ADAMTS12: variants seen among roughly 807,000 people sequenced by gnomAD.
The protein encoded by ADAMTS12 is ADAM metallopeptidase with thrombospondin type 1 motif 12, also known as A disintegrin and metalloproteinase with thrombospondin motifs 12.
A neutral mutation model predicts 167.8 loss-of-function variants in ADAMTS12; 118 were observed. The observed-to-expected ratio is 0.70, with a 90% CI of 0.61 to 0.82. ADAMTS12 has a LOEUF of 0.82. Ranked by LOEUF, ADAMTS12 falls within the 40% of genes least tolerant of loss-of-function variation. The pLI is 0.00. For synonymous variants in ADAMTS12, 704 were observed against 716.9 expected (o/e 0.98, Z 0.29); for missense variants, 1,916 against 1,998.8 (o/e 0.96, Z 0.79).
In ADAMTS12 at chr5:33,792,696, T is replaced by C. The variant is rs1050210883; in HGVS notation, c.490-41148A>G. 5.3e-5 allele frequency among the ~76,000 whole-genome samples: 8 copies of C among 152,184 alleles called. No individual in the cohort carries two copies. In the South Asian group the frequency reaches 6.2e-4, roughly 12 times the overall value. ...ACACTTGGTTATCAGGCTGTTTCCA[T>C]AGGCACAGAACAAAAACAAGAAGAT... On this transcript the variant is annotated intron_variant, in intron 2 of 23. Coordinates refer to ENST00000504830, the MANE Select transcript of ADAMTS12 (RefSeq NM_030955.4).
At chr5:33,565,326 A>AT (rs1242111479) in intron 19 of ADAMTS12, among the ~76,000 whole-genome samples, 2 of 151,700 alleles carry the variant, frequency 1.3e-5, no homozygotes, top group Admixed American at 6.6e-5. Flanking sequence ...TAATTTTTAT[A>AT]TTTTTTTTGT....
intron 2 of ADAMTS12, among the ~76,000 whole-genome samples, chr5:33,823,527 A>T (rs1473234496): frequency 6.6e-6 from 1 of 152,166 alleles, no homozygotes; most frequent in East Asian, 1.9e-4. Context: ...TAGTGTCAGA[A>T]AAAAAGAGAG....
chr5:33,559,591 A>T (rs1351935046), intron 20 of ADAMTS12, among the ~76,000 whole-genome samples: 2 of 152,240 alleles, frequency 1.3e-5, no homozygotes, highest in Non-Finnish European at 2.9e-5. Context: ...CTTTAAAAAG[A>T]TCAGTATGGC....
chr5:33,720,685 T>C (rs1284336003), intron 3 of ADAMTS12, among the ~76,000 whole-genome samples: 1 of 152,222 alleles, frequency 6.6e-6, no homozygotes, highest in Admixed American at 6.5e-5. Context: ...GTCATCCTGG[T>C]CCTAGAATCA....
intron 2 of ADAMTS12, among the ~76,000 whole-genome samples, chr5:33,809,912 GAA>G (rs1279946562): frequency 7.0e-6 from 1 of 143,584 alleles, no homozygotes; most frequent in African/African-American, 2.6e-5. Flanking sequence ...GAGAGAGGGA[GAA>G]TCATACAGGG....
At chr5:33,731,908 A>G (rs1744208007) in intron 3 of ADAMTS12, among the ~76,000 whole-genome samples, 1 of 152,214 alleles carries the variant, frequency 6.6e-6, no homozygotes, top group African/African-American at 2.4e-5. Context: ...GGTCATCTTT[A>G]TTGTCAATAT....
chr5:33,783,167 A>G (rs1746201928), intron 2 of ADAMTS12, among the ~76,000 whole-genome samples: 1 of 152,056 alleles, frequency 6.6e-6, no homozygotes. Flanking sequence ...ATGAGTTAAG[A>G]AAGAAACCAA....
At chr5:33,563,933 A>G (rs924886875) in intron 19 of ADAMTS12, among the ~76,000 whole-genome samples, 2 of 152,250 alleles carry the variant, frequency 1.3e-5, no homozygotes, top group Non-Finnish European at 2.9e-5. Flanking sequence ...AGGTAGAGTG[A>G]GGACATACAG....
intron 2 of ADAMTS12, 199 bp downstream of exon 2, chr5:33,880,920 T>G (rs1750410034): frequency 1.4e-6 from 1 of 723,788 alleles, no homozygotes; most frequent in African/African-American, 1.8e-5. Context: ...CTCAGTGCCC[T>G]TACTCTTTGT....
rs191591143 is a variant in ADAMTS12, at chr5:33,574,768, C to G, written c.3972+1286G>C. ...TATAATAATAATAGAAAAAATGAGACTACCTATGAAAGTGGTTTGTAAATT... is the reference window on the plus strand; with the variant it reads ...TATAATAATAATAGAAAAAATGAGAGTACCTATGAAAGTGGTTTGTAAATT... On this transcript the variant is annotated intron_variant, in intron 19 of 23. Transcript: ENST00000504830. Among the ~76,000 whole-genome samples the G allele has an allele frequency of 9.2e-5, 14 of 151,898 alleles. No individual in the cohort carries two copies. In the East Asian group the frequency reaches 2.7e-3, roughly 29 times the overall value.
chr5:33,788,649 G>A (rs913656340), intron 2 of ADAMTS12, among the ~76,000 whole-genome samples: 2 of 152,176 alleles, frequency 1.3e-5, no homozygotes, highest in Non-Finnish European at 2.9e-5. Context: ...AAGCTATTTT[G>A]AATTTCTGCA....
At chr5:33,861,062 C>G (rs1749597462) in intron 2 of ADAMTS12, among the ~76,000 whole-genome samples, 1 of 152,166 alleles carries the variant, frequency 6.6e-6, no homozygotes, top group African/African-American at 2.4e-5. Flanking sequence ...AAACCGGTGT[C>G]AGCCACAGCA....
rs557859849 is a variant in ADAMTS12, at chr5:33,871,350, T to C, written c.489+9769A>G. ...AGGAAACACTACCCAATTCATTTTA[T>C]AAAGCTAATATTACCCTGATACCAA... On this transcript the variant is annotated intron_variant, in intron 2 of 23. Transcript: ENST00000504830. Among the ~76,000 whole-genome samples the C allele has an allele frequency of 1.5e-3, 224 of 152,284 alleles. 2 individuals carry two copies. The highest frequency in any genetic ancestry group is 5.2e-3 in the African/African-American group (215 of 41,576).
chr5:33,717,740 T>C (rs1466697606), intron 3 of ADAMTS12, among the ~76,000 whole-genome samples: 1 of 152,200 alleles, frequency 6.6e-6, no homozygotes, highest in Admixed American at 6.5e-5. Flanking sequence ...GAAGTTATTA[T>C]GAAATTAAAA....
At chr5:33,615,249 G>A (rs1263307002) in intron 15 of ADAMTS12, among the ~76,000 whole-genome samples, 2 of 152,152 alleles carry the variant, frequency 1.3e-5, no homozygotes, top group African/African-American at 4.8e-5. Flanking sequence ...TCTCTGGCTC[G>A]AAAAGGATGT....
chr5:33,891,465 C>G lies in ADAMTS12; in HGVS notation c.127+265G>C, dbSNP rs543203436. The G allele has an allele frequency of 1.8e-4, 78 of 433,250 alleles. 1 individual carries two copies. The South Asian group carries it at 4.1e-3, about 23-fold the overall frequency. 26.8% of individuals were successfully genotyped at this position (433,250 alleles called of 1,614,324 possible). On this transcript the variant is annotated intron_variant, in intron 1 of 23. Coordinates refer to ENST00000504830, the MANE Select transcript of ADAMTS12 (RefSeq NM_030955.4). ...AAAGAGAAAAAGTTACCAGCTACCT[C>G]TTGGGTCTTTCAAAGACTGCAGTGT...
At position 33,574,231 on chromosome 5, in the gene ADAMTS12, G is replaced by C. The variant is rs536835330; in HGVS notation, c.3972+1823C>G. On this transcript the variant is annotated intron_variant, in intron 19 of 23. Transcript: ENST00000504830. ...AGAACTAGAAATACCATTTGACCCAGCAATCCCATTACTGGGTATATACCC... is the reference window on the plus strand; with the variant it reads ...AGAACTAGAAATACCATTTGACCCACCAATCCCATTACTGGGTATATACCC... 2.0e-5 allele frequency among the ~76,000 whole-genome samples: 3 copies of C among 152,064 alleles called. No individual in the cohort carries two copies. The East Asian group carries it at 5.8e-4, about 29-fold the overall frequency.
At chr5:33,584,096 C>T (rs1222332670) in intron 18 of ADAMTS12, among the ~76,000 whole-genome samples, 3 of 152,114 alleles carry the variant, frequency 2.0e-5, no homozygotes, top group Admixed American at 6.5e-5. Flanking sequence ...ATCCTGGCTC[C>T]GTGGTTTAGT....
At chr5:33,664,612 T>A (rs908407604) in intron 5 of ADAMTS12, among the ~76,000 whole-genome samples, 4 of 152,174 alleles carry the variant, frequency 2.6e-5, no homozygotes, top group African/African-American at 9.7e-5. Flanking sequence ...TATCGTCTCA[T>A]ACCTGTTAAA....
Sources: allele counts gnomAD v4.1 joint callset (sites outside exome capture counted in the v4.1 genomes callset), GRCh38; gene constraint gnomAD v4.1.1; transcripts MANE v1.5; gene names NCBI Gene and HGNC (gene_info 2026-07-23, HGNC 2026-07-21).